The following DRAM1 variants were observed in gnomAD, a reference collection of about 807,000 sequenced individuals.
DRAM1 encodes DNA damage-regulated autophagy modulator protein 1.
Under a neutral mutation model 28.5 loss-of-function variants are expected in DRAM1, and 25 were observed. That is an observed-to-expected ratio of 0.88 (90% CI 0.64 to 1.23). The LOEUF is 1.23. Ranked by LOEUF, DRAM1 falls within the 50% of genes most tolerant of loss-of-function variation. The pLI, the probability that DRAM1 is intolerant of heterozygous loss-of-function variation, is 0.00. For missense variants in DRAM1, 249 were observed against 299.2 expected (o/e 0.83, Z 1.24); for synonymous variants, 113 against 114.2 (o/e 0.99, Z 0.07).
At chr12:101,889,940 CAAAAAAAAAAA>C in intron 1 of DRAM1, 1 of 239,200 alleles carries the variant, frequency 4.2e-6, no homozygotes, top group Non-Finnish European at 7.5e-6. Flanking sequence ...GACTCTGTCT[CAAAAAAAAAAA>C]AAAAAAAAAA....
At chr12:101,899,053 A>G (rs17032039) in intron 2 of DRAM1, among the ~76,000 whole-genome samples, 6,769 of 152,268 alleles carry the variant, frequency 0.044, 276 homozygotes, top group African/African-American at 0.11. Flanking sequence ...CTTGTAACCA[A>G]CGCTTTCTGT....
intron 1 of DRAM1, among the ~76,000 whole-genome samples, chr12:101,896,179 T>C (rs4764676): frequency 0.51 from 77,483 of 152,150 alleles, 20,255 homozygotes; most frequent in East Asian, 0.63. Context: ...TGGGCCACTG[T>C]GCCCGGCCCT....
intron 3 of DRAM1, among the ~76,000 whole-genome samples, chr12:101,903,012 G>A (rs1396656682): frequency 1.3e-5 from 2 of 151,662 alleles, no homozygotes; most frequent in Non-Finnish European, 2.9e-5. Context: ...CCTCCGCCCC[G>A]GGTTCAAGTG....
chr12:101,887,494 G>T (rs1466410035), intron 1 of DRAM1, among the ~76,000 whole-genome samples: 2 of 151,618 alleles, frequency 1.3e-5, no homozygotes, highest in African/African-American at 4.8e-5. Context: ...AAATGTTTGT[G>T]GTATGTATTC....
chr12:101,878,812 G>A (rs935757975), intron 1 of DRAM1, among the ~76,000 whole-genome samples: 1 of 152,032 alleles, frequency 6.6e-6, no homozygotes, highest in Non-Finnish European at 1.5e-5. Flanking sequence ...GACACCCAAG[G>A]TTTGTTACTG....
In DRAM1 at chr12:101,877,685, C is replaced by G. The variant is rs1214335780; in HGVS notation, c.-105C>G. On this transcript the variant is annotated 5_prime_UTR_variant, in exon 1 of 7. Transcript: ENST00000258534. This position sits in a 1 kb window ranked among gnomAD's most constrained non-coding sequence, Gnocchi z 4.1. ...GGCCGTCGCGGAGCCTCCCCTCCCA[C>G]CGTCCGTGAGTGTACGCGCCCGGCC... 3.5e-6 allele frequency: 3 copies of G among 866,802 alleles called. No individual in the cohort carries two copies. The highest frequency in any genetic ancestry group is 1.5e-6 in the Non-Finnish European group (1 of 662,824). 53.7% of individuals were successfully genotyped at this position (866,802 alleles called of 1,614,324 possible).
chr12:101,879,207 A>ACTATGTTGGTCACTAT (rs1407022025), intron 1 of DRAM1, among the ~76,000 whole-genome samples: 1 of 152,094 alleles, frequency 6.6e-6, no homozygotes, highest in Admixed American at 6.6e-5. Flanking sequence ...TATGTTGGTC[A>ACTATGTTGGTCACTAT]GGCTGGTCTC....
Position 101,901,310 on chromosome 12 carries a change from A to C in DRAM1, c.219A>C (p.Thr73=). The C allele has an allele frequency of 6.2e-7, 1 of 1,614,108 alleles. No homozygotes were observed. Among genetic ancestry groups the C allele is most frequent in the South Asian group, 1.1e-5 (1 of 91,048 alleles). Residue 73 remains threonine, a synonymous_variant, in exon 3 of 7, where the codon ACA becomes ACC. Transcript: ENST00000258534. ...TTTCAGGTGCAGCCACGATGTATAC[A>C]AGATACAAAATAGTACAGAAGCAAA... is the stretch of plus-strand genomic sequence containing the variant. The part of the protein sequence containing the change: ...SAFLGAATMY[T]RYKIVQKQNQ...
At chr12:101,905,884 G>C (rs1295688634) in intron 3 of DRAM1, among the ~76,000 whole-genome samples, 1 of 151,930 alleles carries the variant, frequency 6.6e-6, no homozygotes, top group East Asian at 1.9e-4. Context: ...CCACCTCCTG[G>C]GGTCCAGTAA....
intron 1 of DRAM1, among the ~76,000 whole-genome samples, chr12:101,883,971 T>C (rs1358853184): frequency 6.7e-6 from 1 of 150,352 alleles, no homozygotes; most frequent in Non-Finnish European, 1.5e-5. Context: ...AATAAAAACA[T>C]GGGACCAACC....
intron 3 of DRAM1, among the ~76,000 whole-genome samples, chr12:101,904,162 A>AT (rs929704585): frequency 5.9e-4 from 88 of 149,794 alleles, no homozygotes; most frequent in African/African-American, 9.6e-4. Flanking sequence ...TGATTTTTGT[A>AT]TTTTTTTTTA....
chr12:101,881,010 G>A (rs1019617271), intron 1 of DRAM1, among the ~76,000 whole-genome samples: 11 of 152,182 alleles, frequency 7.2e-5, no homozygotes, highest in Non-Finnish European at 1.6e-4. Context: ...TGAGCAGCCG[G>A]AGCACTGGAT....
chr12:101,903,959 A>ACACACACC (rs754896759), intron 3 of DRAM1, among the ~76,000 whole-genome samples: 10 of 124,350 alleles, frequency 8.0e-5, no homozygotes, highest in East Asian at 4.6e-4. Flanking sequence ...ACACACACAC[A>ACACACACC]CACCCCTATA....
At chr12:101,907,567 C>T (rs1325521923) in intron 3 of DRAM1, among the ~76,000 whole-genome samples, 1 of 151,990 alleles carries the variant, frequency 6.6e-6, no homozygotes, top group East Asian at 1.9e-4. Context: ...GGCGAAACCC[C>T]GTCTCTACTA....
At position 101,882,717 on chromosome 12, in the gene DRAM1, C is replaced by G. The variant is rs528976163; in HGVS notation, c.131+4797C>G. 1.3e-5 allele frequency among the ~76,000 whole-genome samples: 2 copies of G among 151,152 alleles called. 1 individual carries two copies. The highest frequency in any genetic ancestry group is 4.4e-4 in the South Asian group (2 of 4,502). The stretch of plus-strand genomic sequence containing the variant: ...ACTGGTGAGAATATGGGGAAACAGT[C>G]TCTCTCATACATTGCTTACAGGAAC... On this transcript the variant is annotated intron_variant, in intron 1 of 6. Coordinates refer to ENST00000258534, the MANE Select transcript of DRAM1 (RefSeq NM_018370.3).
At chr12:101,918,549 G>A (rs1264327955) in intron 5 of DRAM1, among the ~76,000 whole-genome samples, 2 of 152,186 alleles carry the variant, frequency 1.3e-5, no homozygotes, top group Non-Finnish European at 2.9e-5. Context: ...AGTGACGCTC[G>A]GAGGGCTTGG....
Position 101,908,366 on chromosome 12 carries a change from A to G in DRAM1, c.520+3A>G, listed in dbSNP as rs757909615. 3.1e-6 allele frequency: 5 copies of G among 1,603,016 alleles called. No homozygotes were observed. The highest frequency in any genetic ancestry group is 1.1e-5 in the South Asian group (1 of 89,038). On this transcript the variant is annotated splice_donor_region_variant and intron_variant, in intron 4 of 6. Transcript: ENST00000258534. ...TTCTTGCGCAGCTGTCATCCCCAGT[A>G]TCCTTTTTCACATTTGTGCCTTGTT...
chr12:101,904,426 GGTTTTTTTTTTTTT>G lies in DRAM1; in HGVS notation c.342+2994_342+3007del, dbSNP rs1873721440. ...TGAAGCTGAGTGATAGAGCTTTAGG[GGTTTTTTTTTTTTT>G]TTTTTTTTTTTTTTTTTTTGAGACA... On this transcript the variant is annotated intron_variant, in intron 3 of 6. Coordinates refer to ENST00000258534, the MANE Select transcript of DRAM1 (RefSeq NM_018370.3). 2.0e-4 allele frequency among the ~76,000 whole-genome samples: 8 copies of G among 39,148 alleles called. 2 individuals are homozygous for G. Among genetic ancestry groups the G allele is most frequent in the African/African-American group, 2.0e-4 (2 of 9,904 alleles). 25.7% of individuals were successfully genotyped at this position (39,148 alleles called of 152,430 possible). A position where few individuals can be genotyped will look rare whatever the true frequency, so the allele number is the denominator to read the frequency against.
intron 1 of DRAM1, among the ~76,000 whole-genome samples, chr12:101,881,370 T>G (rs1484874307): frequency 4.0e-5 from 6 of 150,440 alleles, no homozygotes; most frequent in Admixed American, 6.6e-5. Flanking sequence ...TTTTGTTGTG[T>G]TTTTTTTGGA....
Sources: allele counts gnomAD v4.1 joint callset (sites outside exome capture counted in the v4.1 genomes callset), GRCh38; gene constraint gnomAD v4.1.1; non-coding constraint Gnocchi (gnomAD v3.1); transcripts MANE v1.5; gene names NCBI Gene and HGNC (gene_info 2026-07-23, HGNC 2026-07-21).